The following SLC39A11 variants were observed in gnomAD, a reference collection of about 807,000 sequenced individuals.
The protein encoded by SLC39A11 is solute carrier family 39 member 11, also known as zinc transporter ZIP11.
In SLC39A11, 33 loss-of-function variants were observed where a neutral mutation model predicts 36.1. That is an observed-to-expected ratio of 0.91 (90% CI 0.69 to 1.22). The LOEUF is 1.22. Ranked by LOEUF, SLC39A11 falls within the 50% of genes most tolerant of loss-of-function variation. SLC39A11 has a pLI of 0.00. For missense variants in SLC39A11, 432 were observed against 430.3 expected, an observed-to-expected ratio of 1.00 and a Z score of -0.03; for synonymous variants, 166 against 170.3, an observed-to-expected ratio of 0.97 and a Z score of 0.20.
intron 4 of SLC39A11, among the ~76,000 whole-genome samples, chr17:72,959,160 T>C (rs568282444): frequency 1.3e-5 from 2 of 151,702 alleles, no homozygotes; most frequent in Admixed American, 1.3e-4. Flanking sequence ...GCAATCCTAC[T>C]ACTGGGTATC....
intron 7 of SLC39A11, among the ~76,000 whole-genome samples, chr17:72,651,686 C>T (rs1188522663): frequency 6.6e-6 from 1 of 152,124 alleles, no homozygotes; most frequent in African/African-American, 2.4e-5. Flanking sequence ...AAGCAGCTTC[C>T]CCAGGGGGCA....
intron 3 of SLC39A11, among the ~76,000 whole-genome samples, chr17:73,047,990 A>ATATATAT (rs1287618070): frequency 5.1e-5 from 3 of 58,706 alleles, no homozygotes; most frequent in African/African-American, 6.6e-5. Flanking sequence ...AAAAAAAAAA[A>ATATATAT]ATATATATAT....
chr17:72,900,717 G>A (rs952665856), intron 5 of SLC39A11, among the ~76,000 whole-genome samples: 4 of 152,124 alleles, frequency 2.6e-5, no homozygotes, highest in African/African-American at 9.7e-5. Flanking sequence ...ATGATTGATG[G>A]GTGAGCACTT....
chr17:72,867,197 A>G (rs1450292570), intron 5 of SLC39A11, among the ~76,000 whole-genome samples: 1 of 152,144 alleles, frequency 6.6e-6, no homozygotes, highest in Non-Finnish European at 1.5e-5. Flanking sequence ...CAACTAGGCA[A>G]GTTTAAAGAA....
intron 5 of SLC39A11, among the ~76,000 whole-genome samples, chr17:72,872,041 T>A (rs543209745): frequency 6.6e-6 from 1 of 152,302 alleles, no homozygotes; most frequent in Admixed American, 6.5e-5. Flanking sequence ...ACACATTTGG[T>A]CACAGAAACG....
chr17:72,829,682 C>T (rs1805697881), intron 6 of SLC39A11, among the ~76,000 whole-genome samples: 1 of 152,186 alleles, frequency 6.6e-6, no homozygotes, highest in Admixed American at 6.5e-5. Context: ...TTCCCCCTTT[C>T]CATCTGTTAA....
intron 6 of SLC39A11, among the ~76,000 whole-genome samples, chr17:72,844,682 A>G (rs186129424): frequency 1.3e-5 from 2 of 152,298 alleles, no homozygotes; most frequent in Admixed American, 6.5e-5. Context: ...ACAAAAAACA[A>G]AAAAACAAAA....
At chr17:73,036,472 G>A (rs2058920160) in intron 3 of SLC39A11, among the ~76,000 whole-genome samples, 1 of 151,778 alleles carries the variant, frequency 6.6e-6, no homozygotes, top group African/African-American at 2.4e-5. Flanking sequence ...TTTGAGACAG[G>A]GTCTCACTCT....
chr17:73,047,196 T>C (rs2059325551), intron 3 of SLC39A11, among the ~76,000 whole-genome samples: 2 of 151,760 alleles, frequency 1.3e-5, no homozygotes, highest in Admixed American at 6.6e-5. Flanking sequence ...GGCTAATTTT[T>C]TGTGTTTTTA....
chr17:72,901,543 C>G (rs559454580), intron 5 of SLC39A11, among the ~76,000 whole-genome samples: 1 of 152,138 alleles, frequency 6.6e-6, no homozygotes, highest in African/African-American at 2.4e-5. Context: ...GAGAGAGGCT[C>G]GGGTTTGGAC....
At chr17:72,744,519 T>C (rs1332372399) in intron 6 of SLC39A11, among the ~76,000 whole-genome samples, 3 of 152,210 alleles carry the variant, frequency 2.0e-5, no homozygotes, top group Non-Finnish European at 4.4e-5. Context: ...GTTTTCTTTT[T>C]CAATGGAGCC....
intron 7 of SLC39A11, among the ~76,000 whole-genome samples, chr17:72,735,168 AG>A (rs2074372912): frequency 6.6e-6 from 1 of 152,184 alleles, no homozygotes; most frequent in South Asian, 2.1e-4. Context: ...GAATAAGAAA[AG>A]TTTCGCCCTG....
intron 4 of SLC39A11, among the ~76,000 whole-genome samples, chr17:72,973,332 T>TA (rs1159048329): frequency 6.6e-6 from 1 of 151,760 alleles, no homozygotes; most frequent in Non-Finnish European, 1.5e-5. Context: ...GGCACCAGGC[T>TA]ACTCTGTCAC....
chr17:72,927,954 C>T (rs1472777756), intron 5 of SLC39A11, among the ~76,000 whole-genome samples: 1 of 151,964 alleles, frequency 6.6e-6, no homozygotes, highest in Non-Finnish European at 1.5e-5. Flanking sequence ...GTCCAAAGTA[C>T]ATGGGTTAAT....
intron 6 of SLC39A11, among the ~76,000 whole-genome samples, chr17:72,836,585 C>T (rs2078559625): frequency 6.6e-6 from 1 of 152,158 alleles, no homozygotes; most frequent in African/African-American, 2.4e-5. Context: ...AAGCGATTCA[C>T]CTGCTTCGGC....
rs376062897 is a variant in SLC39A11 at position 72,704,988 on chromosome 17, G to A, written c.671+31662C>T. Among the ~76,000 whole-genome samples the A allele has an allele frequency of 2.0e-4, 30 of 152,262 alleles. No homozygotes were observed. In the East Asian group the frequency reaches 5.2e-3, roughly 26 times the overall value. On this transcript the variant is annotated intron_variant, in intron 7 of 9. Transcript: ENST00000255559. The stretch of plus-strand genomic sequence containing the variant: ...AAGCCATCTTAACACCATTAGAAAT[G>A]GGCAATCATGCCTATGCTGAAGAGA...
intron 4 of SLC39A11, among the ~76,000 whole-genome samples, chr17:73,008,742 T>C (rs928116205): frequency 2.6e-5 from 4 of 152,078 alleles, no homozygotes; most frequent in Admixed American, 2.6e-4. Flanking sequence ...AGTGGAATAT[T>C]CTTCATCCAA....
chr17:73,046,458 C>A (rs1368315720), intron 3 of SLC39A11, among the ~76,000 whole-genome samples: 2 of 152,050 alleles, frequency 1.3e-5, no homozygotes, highest in African/African-American at 4.8e-5. Flanking sequence ...TACGAAAAAG[C>A]CCCCTCCTAG....
At chr17:72,840,373 T>C (rs1226517848) in intron 6 of SLC39A11, among the ~76,000 whole-genome samples, 1 of 152,190 alleles carries the variant, frequency 6.6e-6, no homozygotes, top group Non-Finnish European at 1.5e-5. Flanking sequence ...TTAAAATAAT[T>C]TCAAACACAA....
Sources: allele counts gnomAD v4.1 joint callset (sites outside exome capture counted in the v4.1 genomes callset), GRCh38; gene constraint gnomAD v4.1.1; transcripts MANE v1.5; gene names NCBI Gene and HGNC (gene_info 2026-07-23, HGNC 2026-07-21).